MCTP2: variants seen among roughly 807,000 people sequenced by gnomAD.
MCTP2 encodes the protein multiple C2 and transmembrane domain containing 2.
In MCTP2, 132 loss-of-function variants were observed where a neutral mutation model predicts 111.6. The observed-to-expected ratio is 1.18, with a 90% CI of 1.03 to 1.37. The LOEUF (loss-of-function observed/expected upper bound fraction) is 1.37. MCTP2 is among the 40% of genes most tolerant of loss of function. The pLI, the probability that MCTP2 is intolerant of heterozygous loss-of-function variation, is 0.00. For missense variants in MCTP2, 1,183 were observed against 1,067.9 expected (o/e 1.11, Z -1.50); for synonymous variants, 395 against 387.7 (o/e 1.02, Z -0.22).
intron 7 of MCTP2, chr15:94,342,722 A>G (rs2077720301): frequency 6.6e-6 from 1 of 151,160 alleles, no homozygotes; most frequent in South Asian, 2.1e-4. Context: ...ATATCTCTAT[A>G]TATGCACATA....
intron 1 of MCTP2, among the ~76,000 whole-genome samples, chr15:94,266,314 TA>T (rs1289347573): frequency 6.6e-6 from 1 of 152,210 alleles, no homozygotes; most frequent in Non-Finnish European, 1.5e-5. Flanking sequence ...TGCATGCAAA[TA>T]TTTTTTTGAC....
chr15:94,424,052 A>G (rs998491825), intron 17 of MCTP2, among the ~76,000 whole-genome samples: 27 of 152,052 alleles, frequency 1.8e-4, no homozygotes, highest in African/African-American at 7.2e-5. Flanking sequence ...CTCACTGTCA[A>G]TTGTGGTTTT....
Position 94,243,413 on chromosome 15 carries a change from A to G in MCTP2, c.-66+11749A>G, listed in dbSNP as rs1351757851. On this transcript the variant is annotated intron_variant, in intron 1 of 22. Transcript: ENST00000357742. Reference sequence around the variant, plus strand: ...TGCGTATATGCGTATGTACATACATACGTATGCGTATATGCGTATGTACAT... The same window carrying G: ...TGCGTATATGCGTATGTACATACATGCGTATGCGTATATGCGTATGTACAT... Among the ~76,000 whole-genome samples the G allele has an allele frequency of 3.0e-4, 45 of 148,418 alleles. 3 individuals carry two copies. The highest frequency in any genetic ancestry group is 4.1e-4 in the East Asian group (2 of 4,904).
intron 20 of MCTP2, among the ~76,000 whole-genome samples, chr15:94,460,161 AAG>A (rs1477588692): frequency 4.6e-5 from 7 of 152,202 alleles, no homozygotes; most frequent in Non-Finnish European, 7.4e-5. Flanking sequence ...AGGGAGAGGT[AAG>A]AGAGAATTCT....
chr15:94,404,551 G>A (rs948336851), intron 17 of MCTP2, among the ~76,000 whole-genome samples: 6 of 151,906 alleles, frequency 3.9e-5, no homozygotes, highest in Non-Finnish European at 7.4e-5. Context: ...CACCCATCTC[G>A]GCCTCCCAAA....
chr15:94,294,941 C>CTTTTTTTTTTTTTTTTTTT (rs71133001), intron 1 of MCTP2, among the ~76,000 whole-genome samples: 1 of 73,988 alleles, frequency 1.4e-5, no homozygotes, highest in African/African-American at 5.7e-5. Context: ...TTTTCTTTTC[C>CTTTTTTTTTTTTTTTTTTT]TTTTTTTTTT....
At chr15:94,274,909 C>T (rs2152304130) in intron 1 of MCTP2, among the ~76,000 whole-genome samples, 2 of 152,198 alleles carry the variant, frequency 1.3e-5, no homozygotes, top group Middle Eastern at 3.4e-3. Flanking sequence ...CTTTCATGAA[C>T]ATAGGTGTAA....
chr15:94,314,577 T>G, intron 3 of MCTP2: 1 of 557,124 alleles, frequency 1.8e-6, no homozygotes, highest in Non-Finnish European at 3.2e-6. Context: ...ACTATGAAAT[T>G]GAGTGAGATA....
chr15:94,340,726 A>T lies in MCTP2; in HGVS notation c.858-87A>T, dbSNP rs148538135. 2.3e-4 allele frequency: 169 copies of T among 734,588 alleles called. No individual in the cohort carries two copies. The African/African-American group carries it at 2.5e-3, about 11-fold the overall frequency. The allele number at this position is 734,588 out of a possible 1,614,324, so 45.5% of individuals were successfully genotyped here. The stretch of plus-strand genomic sequence containing the variant: ...TGTCTAATCCTTATTCAGAGGTAGG[A>T]GACTTTTACCATAAGCTCCTGATGC... On this transcript the variant is annotated intron_variant, in intron 6 of 22. Coordinates refer to ENST00000357742, the MANE Select transcript of MCTP2 (RefSeq NM_001385001.1).
chr15:94,404,544 C>T (rs1322952852), intron 17 of MCTP2, among the ~76,000 whole-genome samples: 4 of 152,134 alleles, frequency 2.6e-5, no homozygotes, highest in Non-Finnish European at 4.4e-5. Context: ...TGTGATCCAC[C>T]CATCTCGGCC....
rs191976055 is a variant in MCTP2 at position 94,354,097 on chromosome 15, T to A, written c.1006-2040T>A. Among the ~76,000 whole-genome samples, 585 of 152,086 alleles carry A rather than the reference T, an allele frequency of 3.8e-3. 3 individuals are homozygous for A. Among genetic ancestry groups the A allele is most frequent in the Admixed American group, 0.01 (158 of 15,280 alleles). ...AAGGTTTATGAAATAGTTAAAATAT[T>A]CCTATACATATATTCCCATATATAT... On this transcript the variant is annotated intron_variant, in intron 8 of 22. Transcript: ENST00000357742.
At chr15:94,386,762 C>T (rs889283577) in intron 14 of MCTP2, among the ~76,000 whole-genome samples, 2 of 152,090 alleles carry the variant, frequency 1.3e-5, no homozygotes, top group African/African-American at 4.8e-5. Flanking sequence ...ACAGTTTTCT[C>T]ATTTCACTTT....
rs758670751 is a variant in MCTP2 at position 94,358,485 on chromosome 15, CTG to C, written c.1178_1179del (p.Cys393Ter). The part of the protein sequence containing the change: ...LGDQRYKSKT[L>X]CKSANPQWQE... Reference sequence around the variant, plus strand: ...ATTATAACTGCATGTTTTCTAGACACTGTGTAAGAGTGCAAATCCGCAGTGGC... The same window carrying C: ...ATTATAACTGCATGTTTTCTAGACACTGTAAGAGTGCAAATCCGCAGTGGC... On this transcript the variant is annotated frameshift_variant, in exon 10 of 23. Coordinates refer to ENST00000357742, the MANE Select transcript of MCTP2 (RefSeq NM_001385001.1). LOFTEE classifies it high-confidence loss of function. The C allele has an allele frequency of 6.2e-6, 10 of 1,612,340 alleles. No homozygotes were observed. The highest frequency in any genetic ancestry group is 4.4e-5 in the South Asian group (4 of 90,926).
At position 94,470,464 on chromosome 15, in the gene MCTP2, T is replaced by C. The variant is rs201346174; in HGVS notation, c.2470+22T>C. Reference sequence around the variant, plus strand: ...TGGGGTAAGTTTGGAATGGTCCTTTTGCTAGCAATCAATTCCAGGTAAGAA... The same window carrying C: ...TGGGGTAAGTTTGGAATGGTCCTTTCGCTAGCAATCAATTCCAGGTAAGAA... On this transcript the variant is annotated intron_variant, in intron 21 of 22. Transcript: ENST00000357742. 9 of 1,451,128 alleles carry C rather than the reference T, an allele frequency of 6.2e-6. No homozygotes were observed. In the East Asian group the frequency reaches 1.4e-4, roughly 22 times the overall value. The allele number at this position is 1,451,128 out of a possible 1,614,324, so 89.9% of individuals were successfully genotyped here. A position where few individuals can be genotyped will look rare whatever the true frequency, so the allele number is the denominator to read the frequency against.
chr15:94,429,453 A>G (rs2083060145), intron 17 of MCTP2, among the ~76,000 whole-genome samples: 1 of 152,082 alleles, frequency 6.6e-6, no homozygotes, highest in Non-Finnish European at 1.5e-5. Flanking sequence ...TTGCCTCATC[A>G]TTTTACTAAA....
At chr15:94,421,090 T>C (rs569077332) in intron 17 of MCTP2, among the ~76,000 whole-genome samples, 1 of 139,452 alleles carries the variant, frequency 7.2e-6, no homozygotes, top group African/African-American at 2.8e-5. Flanking sequence ...GCTCGGATGA[T>C]AGTATTTTTT....
intron 17 of MCTP2, among the ~76,000 whole-genome samples, chr15:94,439,574 C>T (rs1216237275): frequency 1.3e-5 from 2 of 152,162 alleles, no homozygotes; most frequent in Non-Finnish European, 2.9e-5. Context: ...GGCAGTTGGA[C>T]TCAGTCTCAA....
At chr15:94,239,698 A>C (rs1308117946) in intron 1 of MCTP2, among the ~76,000 whole-genome samples, 2 of 152,196 alleles carry the variant, frequency 1.3e-5, no homozygotes, top group African/African-American at 4.8e-5. Context: ...CACTCCCTTA[A>C]GCCTCATGTG....
intron 4 of MCTP2, among the ~76,000 whole-genome samples, chr15:94,330,512 AT>A (rs71469323): frequency 0.21 from 31,575 of 150,804 alleles, 3,544 homozygotes; most frequent in African/African-American, 0.22. Flanking sequence ...CTCCTTTCTT[AT>A]TTTTTTTTCT....
Sources: gnomAD v4.1 joint callset for allele counts (sites outside exome capture counted in the v4.1 genomes callset) on GRCh38, gnomAD v4.1.1 for gene constraint, MANE v1.5 for transcripts, NCBI Gene and HGNC (gene_info 2026-07-23, HGNC 2026-07-21) for gene names.